Variants in ABHD15 observed in about 807,000 individuals in gnomAD.
ABHD15 encodes the protein abhydrolase domain containing 15, also known as protein ABHD15.
A neutral mutation model predicts 34.4 loss-of-function variants in ABHD15; 34 were observed. The observed-to-expected ratio is 0.99, with a 90% CI of 0.75 to 1.32. The LOEUF (loss-of-function observed/expected upper bound fraction) is 1.32, where lower values mean the gene tolerates loss of function less well. Ranked by LOEUF, ABHD15 falls within the 40% of genes most tolerant of loss-of-function variation. ABHD15 has a pLI of 0.00. For synonymous variants in ABHD15, 314 were observed against 299.2 expected, an observed-to-expected ratio of 1.05 and a Z score of -0.51; for missense variants, 644 against 650.4, an observed-to-expected ratio of 0.99 and a Z score of 0.11.
At chr17:29,565,666 C>T (rs1422747430) in intron 1 of ABHD15, among the ~76,000 whole-genome samples, 1 of 152,220 alleles carries the variant, frequency 6.6e-6, no homozygotes, top group South Asian at 2.1e-4. Context: ...CTGTCACCTC[C>T]AGGCTCAGAG....
At chr17:29,564,624 C>T (rs932785943) in intron 1 of ABHD15, among the ~76,000 whole-genome samples, 1 of 152,104 alleles carries the variant, frequency 6.6e-6, no homozygotes, top group Non-Finnish European at 1.5e-5. Context: ...GAGGCCAAGG[C>T]GGGTGGATTC....
chr17:29,563,060 ACAGTGTCCT>A lies in ABHD15; in HGVS notation c.899_907del (p.Glu300_Thr302del). On this transcript the variant is annotated inframe_deletion, in exon 2 of 2. Transcript: ENST00000307201. ...GCTCCTGAACAGTCTGCTGGTGTCC[ACAGTGTCCT>A]CCAGGGCTGTGGCATACCTGGCAGC... is the stretch of plus-strand genomic sequence containing the variant. 6.2e-7 allele frequency: 1 copy of A among 1,608,430 alleles called. No homozygotes were observed. Among genetic ancestry groups the A allele is most frequent in the Non-Finnish European group, 8.5e-7 (1 of 1,179,772 alleles).
In ABHD15 at chr17:29,562,044, TG is replaced by T; in HGVS notation, c.*516del. 1 of 152,950 alleles carries T rather than the reference TG, an allele frequency of 6.5e-6. No individual in the cohort carries two copies. Among genetic ancestry groups the T allele is most frequent in the Admixed American group, 6.5e-5 (1 of 15,378 alleles). The allele number at this position is 152,950 out of a possible 1,614,324, so 9.5% of individuals were successfully genotyped here. ...GCCGCCCTTCTCACACACACAAGCC[TG>T]CTGCCGCAGTTGCCAGAGCATTCGG... On this transcript the variant is annotated 3_prime_UTR_variant, in exon 2 of 2. Coordinates refer to ENST00000307201, the MANE Select transcript of ABHD15 (RefSeq NM_198147.3).
rs375930056 is a variant in ABHD15, at chr17:29,562,544, T to C, written c.*17A>G. 3.3e-5 allele frequency: 53 copies of C among 1,600,226 alleles called. No homozygotes were observed. In the Admixed American group the frequency reaches 6.3e-4, roughly 19 times the overall value. On this transcript the variant is annotated 3_prime_UTR_variant, in exon 2 of 2. Coordinates refer to ENST00000307201, the MANE Select transcript of ABHD15 (RefSeq NM_198147.3). The stretch of plus-strand genomic sequence containing the variant: ...TGTTTTTCTTTGCAGGACTTGGGGG[T>C]TCTCAGGCCAGGTCTTTCACCTTGT...
chr17:29,565,788 G>A (rs2032697053), intron 1 of ABHD15, among the ~76,000 whole-genome samples: 1 of 152,248 alleles, frequency 6.6e-6, no homozygotes, highest in Non-Finnish European at 1.5e-5. Context: ...CTCTGCTGTC[G>A]TGGGCCAGGT....
Position 29,562,510 on chromosome 17 carries a change from G to A in ABHD15, c.*51C>T. The stretch of plus-strand genomic sequence containing the variant: ...CCCCATCTTTCCAGGACTCCCCCTT[G>A]CCCAGCTCTGTTTTTCTTTGCAGGA... On this transcript the variant is annotated 3_prime_UTR_variant, in exon 2 of 2. Transcript: ENST00000307201. 6.4e-7 allele frequency: 1 copy of A among 1,551,282 alleles called. No homozygotes were observed.
Position 29,563,075 on chromosome 17 carries a change from G to T in ABHD15, c.893C>A (p.Ala298Asp), listed in dbSNP as rs1428034502. The change falls in exon 2 of 2, where the codon GCC becomes GAC. Residue 298 changes from alanine to aspartate, a missense_variant. Coordinates refer to ENST00000307201, the MANE Select transcript of ABHD15 (RefSeq NM_198147.3). ...QKIALSRYAT[A>D]LEDTVDTSRL... Reference sequence around the variant, plus strand: ...GCTGGTGTCCACAGTGTCCTCCAGGGCTGTGGCATACCTGGCAGCGAGGTG... The same window carrying T: ...GCTGGTGTCCACAGTGTCCTCCAGGTCTGTGGCATACCTGGCAGCGAGGTG... 1.2e-6 allele frequency: 2 copies of T among 1,602,642 alleles called. No individual in the cohort carries two copies. The highest frequency in any genetic ancestry group is 1.7e-6 in the Non-Finnish European group (2 of 1,177,232).
Position 29,562,559 on chromosome 17 carries a change from T to TA in ABHD15, c.*1_*2insT. 1 of 1,610,476 alleles carries TA rather than the reference T, an allele frequency of 6.2e-7. No individual in the cohort carries two copies. The highest frequency in any genetic ancestry group is 1.1e-5 in the South Asian group (1 of 90,974). On this transcript the variant is annotated 3_prime_UTR_variant, in exon 2 of 2. Coordinates refer to ENST00000307201, the MANE Select transcript of ABHD15 (RefSeq NM_198147.3). ...GACTTGGGGGTTCTCAGGCCAGGTC[T>TA]TTCACCTTGTGTATGATCGCTTCCA...
chr17:29,563,763 G>C (rs576331930), intron 1 of ABHD15, among the ~76,000 whole-genome samples: 9 of 152,252 alleles, frequency 5.9e-5, no homozygotes, highest in Middle Eastern at 6.8e-3. Context: ...GGGAGGCTGA[G>C]GCAGGAGAAT....
chr17:29,566,883 G>T lies in ABHD15; in HGVS notation c.84C>A (p.Pro28=). ...TCCTCTCTCCGACGGCGCGCCCCCA[G>T]GGTCCCCGGAGCCGCGGGCCGAGCA... ...LGLLGPRLRG[P]WGRAVGERTL... The change falls in exon 1 of 2, where the codon CCC becomes CCA. Residue 28 remains proline, a synonymous_variant. Coordinates refer to ENST00000307201, the MANE Select transcript of ABHD15 (RefSeq NM_198147.3). 6.7e-7 allele frequency: 1 copy of T among 1,498,088 alleles called. No homozygotes were observed. Among genetic ancestry groups the T allele is most frequent in the South Asian group, 1.2e-5 (1 of 80,192 alleles). 92.8% of individuals were successfully genotyped at this position (1,498,088 alleles called of 1,614,324 possible). A position where few individuals can be genotyped will look rare whatever the true frequency, so the allele number is the denominator to read the frequency against.
intron 1 of ABHD15, among the ~76,000 whole-genome samples, chr17:29,564,279 A>T (rs897786329): frequency 6.6e-6 from 1 of 152,230 alleles, no homozygotes; most frequent in Admixed American, 6.5e-5. Flanking sequence ...TTAAACTAAC[A>T]TCCTGTCCTG....
chr17:29,564,798 C>T (rs537894822), intron 1 of ABHD15, among the ~76,000 whole-genome samples: 10 of 152,278 alleles, frequency 6.6e-5, no homozygotes, highest in African/African-American at 2.4e-4. Context: ...TTCTGCTACA[C>T]CACACTGTTG....
rs749147531 is a variant in ABHD15 at position 29,566,232 on chromosome 17, G to A, written c.735C>T (p.Ser245=). Residue 245 remains serine (S), a synonymous_variant, in exon 1 of 2, where the codon TCC becomes TCT. Transcript: ENST00000307201. ...SEGSGSALLL[S]YLGECGSSSY... is the part of the protein sequence containing the mutation. ...TGGAGGAGCCGCACTCGCCCAGGTAGGACAGGAGCAGCGCCGAGCCCGAGC... is the reference window on the plus strand; with the variant it reads ...TGGAGGAGCCGCACTCGCCCAGGTAAGACAGGAGCAGCGCCGAGCCCGAGC... The A allele has an allele frequency of 6.2e-7, 1 of 1,610,924 alleles. No individual in the cohort carries two copies. Among genetic ancestry groups the A allele is most frequent in the African/African-American group, 1.3e-5 (1 of 74,896 alleles).
In ABHD15 at chr17:29,562,917, G is replaced by A; in HGVS notation, c.1051C>T (p.Pro351Ser). Reference protein sequence around the residue: ...PLRDVDEAAVPVLCICSADDP... With the variant: ...PLRDVDEAAVSVLCICSADDP... ...TCAGCACTGCAGATACACAGCACAG[G>A]CACGGCTGCCTCATCGACATCCCGG... Residue 351 changes from proline to serine, a missense_variant, in exon 2 of 2, where the codon CCT becomes TCT. Coordinates refer to ENST00000307201, the MANE Select transcript of ABHD15 (RefSeq NM_198147.3). The A allele has an allele frequency of 6.2e-7, 1 of 1,614,144 alleles. No individual in the cohort carries two copies. The highest frequency in any genetic ancestry group is 8.5e-7 in the Non-Finnish European group (1 of 1,180,042).
chr17:29,564,724 T>C (rs560643935), intron 1 of ABHD15, among the ~76,000 whole-genome samples: 14 of 152,224 alleles, frequency 9.2e-5, no homozygotes, highest in Non-Finnish European at 1.5e-4. Context: ...CATGGTGGCA[T>C]GTGCCTGTAG....
At chr17:29,563,842 G>C (rs1400831550) in intron 1 of ABHD15, among the ~76,000 whole-genome samples, 1 of 152,136 alleles carries the variant, frequency 6.6e-6, no homozygotes. Flanking sequence ...CCTGCTGACA[G>C]AGCGAGACTC....
Position 29,566,709 on chromosome 17 carries a change from G to GGC in ABHD15, c.256_257dup (p.Leu87ProfsTer31), listed in dbSNP as rs1567758125. 1 of 1,582,286 alleles carries GGC rather than the reference G, an allele frequency of 6.3e-7. No individual in the cohort carries two copies. The highest frequency in any genetic ancestry group is 1.1e-5 in the South Asian group (1 of 89,006). ...CCTCCAGCGCCTCTGAGCGCCGCAG[G>GGC]GCGCGCAGCAGGCACTGGGCCAGGG... On this transcript the variant is annotated frameshift_variant, in exon 1 of 2. Coordinates refer to ENST00000307201, the MANE Select transcript of ABHD15 (RefSeq NM_198147.3). LOFTEE classifies it high-confidence loss of function.
In ABHD15 at chr17:29,562,519, T is replaced by G; in HGVS notation, c.*42A>C. 1 of 1,569,922 alleles carries G rather than the reference T, an allele frequency of 6.4e-7. No individual in the cohort carries two copies. Among genetic ancestry groups the G allele is most frequent in the Non-Finnish European group, 8.6e-7 (1 of 1,157,372 alleles). ...TCCAGGACTCCCCCTTGCCCAGCTCTGTTTTTCTTTGCAGGACTTGGGGGT... is the reference window on the plus strand; with the variant it reads ...TCCAGGACTCCCCCTTGCCCAGCTCGGTTTTTCTTTGCAGGACTTGGGGGT... On this transcript the variant is annotated 3_prime_UTR_variant, in exon 2 of 2. Transcript: ENST00000307201.
chr17:29,566,183 T>C lies in ABHD15; in HGVS notation c.784A>G (p.Ile262Val), dbSNP rs2032705424. The change falls in exon 1 of 2, where the codon ATC (isoleucine) becomes GTC (valine). Residue 262 changes from isoleucine (I) to valine (V), a missense_variant. Transcript: ENST00000307201. ...TCTCGGCAGCGCAGCACGGGCGAGA[T>C]GCAGGCGGCGCCTGTCACGTAGCTG... ...SSSYVTGAAC[I>V]SPVLRCREWF... 6.2e-7 allele frequency: 1 copy of C among 1,609,396 alleles called. No homozygotes were observed. The highest frequency in any genetic ancestry group is 1.3e-5 in the African/African-American group (1 of 74,820).
Sources: gnomAD v4.1 joint callset for allele counts (sites outside exome capture counted in the v4.1 genomes callset) on GRCh38, gnomAD v4.1.1 for gene constraint, MANE v1.5 for transcripts, NCBI Gene and HGNC (gene_info 2026-07-23, HGNC 2026-07-21) for gene names.